SRBD1: variants seen among roughly 807,000 people sequenced by gnomAD.
SRBD1 encodes the protein S1 RNA-binding domain-containing protein 1.
In SRBD1, 88 loss-of-function variants were observed where a neutral mutation model predicts 115.3. That is an observed-to-expected ratio of 0.76 (90% CI 0.64 to 0.91). The LOEUF (loss-of-function observed/expected upper bound fraction) is 0.91. Ranked by LOEUF, SRBD1 falls within the 40% of genes least tolerant of loss-of-function variation. The probability of loss-of-function intolerance (pLI) is 0.00; values close to 1 mark genes in which losing one functional copy is unlikely to be tolerated. For synonymous variants in SRBD1, 509 were observed against 407.7 expected (o/e 1.25, Z -2.99); for missense variants, 1,385 against 1,177.4 (o/e 1.18, Z -2.58).
chr2:45,599,875 A>C, intron 3 of SRBD1, 40 bp from the exon 4 acceptor site: 1 of 1,555,716 alleles, frequency 6.4e-7, no homozygotes, highest in Non-Finnish European at 8.7e-7. Context: ...ATTAGAAGAT[A>C]AAAAGCAATT....
intron 2 of SRBD1, among the ~76,000 whole-genome samples, chr2:45,603,984 C>T (rs906805691): frequency 6.6e-6 from 1 of 152,172 alleles, no homozygotes; most frequent in East Asian, 1.9e-4. Context: ...ACCTGTTCCT[C>T]TTCCAGTCTT....
intron 16 of SRBD1, among the ~76,000 whole-genome samples, chr2:45,425,414 G>A (rs543867267): frequency 1.3e-5 from 2 of 152,122 alleles, no homozygotes; most frequent in African/African-American, 2.4e-5. Context: ...GTGTGTATAT[G>A]TGTACAATCT....
intron 16 of SRBD1, among the ~76,000 whole-genome samples, chr2:45,452,969 A>G (rs1028786017): frequency 6.6e-6 from 1 of 152,024 alleles, no homozygotes; most frequent in African/African-American, 2.4e-5. Flanking sequence ...TGAAATACGT[A>G]GTCATTTGAA....
chr2:45,440,810 G>A (rs1009897790), intron 16 of SRBD1, among the ~76,000 whole-genome samples: 1 of 152,152 alleles, frequency 6.6e-6, no homozygotes, highest in Non-Finnish European at 1.5e-5. Context: ...GAAAGAGAGA[G>A]ACAGAAATAG....
intron 16 of SRBD1, among the ~76,000 whole-genome samples, chr2:45,449,648 A>G (rs1027822754): frequency 6.6e-6 from 1 of 152,166 alleles, no homozygotes; most frequent in African/African-American, 2.4e-5. Context: ...CAACCACTTC[A>G]ACCCCGAAGT....
intron 14 of SRBD1, among the ~76,000 whole-genome samples, chr2:45,529,517 C>T (rs2103977990): frequency 6.6e-6 from 1 of 151,952 alleles, no homozygotes; most frequent in East Asian, 1.9e-4. Context: ...GTCCCTAACA[C>T]CCTTCCAGTC....
intron 10 of SRBD1, among the ~76,000 whole-genome samples, chr2:45,555,739 A>G (rs376033762): frequency 2.0e-5 from 3 of 152,106 alleles, no homozygotes; most frequent in Non-Finnish European, 1.5e-5. Flanking sequence ...TGATCTGCCC[A>G]TGTCAGCCTC....
chr2:45,523,387 A>G (rs1031573211), intron 14 of SRBD1, among the ~76,000 whole-genome samples: 1 of 151,636 alleles, frequency 6.6e-6, no homozygotes, highest in African/African-American at 2.4e-5. Flanking sequence ...AAAGAAATGA[A>G]CTCCAAAGTT....
intron 4 of SRBD1, 75 bp downstream of exon 4, chr2:45,599,374 G>C (rs1674013867): frequency 1.3e-6 from 2 of 1,493,000 alleles, no homozygotes; most frequent in East Asian, 4.6e-5. Context: ...CCTTCCCTTA[G>C]ACAGTACAAC....
chr2:45,577,237 T>A (rs1232524152), intron 7 of SRBD1, among the ~76,000 whole-genome samples: 2 of 152,192 alleles, frequency 1.3e-5, no homozygotes, highest in African/African-American at 4.8e-5. Context: ...GAAAAATAAT[T>A]TAAAAGGAAA....
At chr2:45,434,470 C>T (rs1295508289) in intron 16 of SRBD1, among the ~76,000 whole-genome samples, 1 of 152,118 alleles carries the variant, frequency 6.6e-6, no homozygotes, top group Non-Finnish European at 1.5e-5. Flanking sequence ...TAACATTTGG[C>T]AAACAATTTT....
At chr2:45,571,723 C>A (rs748318295) in intron 9 of SRBD1, among the ~76,000 whole-genome samples, 5 of 151,634 alleles carry the variant, frequency 3.3e-5, no homozygotes, top group African/African-American at 1.2e-4. Flanking sequence ...ATAGAAATTA[C>A]GGAGCTGAAA....
chr2:45,544,326 A>G (rs1672040658), intron 14 of SRBD1, among the ~76,000 whole-genome samples: 1 of 152,218 alleles, frequency 6.6e-6, no homozygotes, highest in Non-Finnish European at 1.5e-5. Context: ...AATAGCCTTA[A>G]AAATAGGAGA....
intron 14 of SRBD1, among the ~76,000 whole-genome samples, chr2:45,490,093 A>G (rs926119580): frequency 6.6e-6 from 1 of 152,186 alleles, no homozygotes; most frequent in African/African-American, 2.4e-5. Flanking sequence ...ATTTTCTCCA[A>G]AATAACATTT....
intron 10 of SRBD1, among the ~76,000 whole-genome samples, chr2:45,561,085 C>A (rs1672651012): frequency 6.6e-6 from 1 of 151,896 alleles, no homozygotes; most frequent in Non-Finnish European, 1.5e-5. Flanking sequence ...CCAGCCTAGG[C>A]AACAGAGTGA....
intron 7 of SRBD1, among the ~76,000 whole-genome samples, chr2:45,576,656 T>C (rs1426601901): frequency 1.3e-5 from 2 of 152,210 alleles, no homozygotes; most frequent in Non-Finnish European, 2.9e-5. Context: ...GAGCACTCAA[T>C]AAACATTTGC....
chr2:45,506,443 T>A (rs1328030830), intron 14 of SRBD1, among the ~76,000 whole-genome samples: 1 of 152,168 alleles, frequency 6.6e-6, no homozygotes, highest in African/African-American at 2.4e-5. Context: ...TGGAAGTATC[T>A]AGAACAGGTA....
chr2:45,580,326 T>C (rs1673311233), intron 6 of SRBD1, among the ~76,000 whole-genome samples: 1 of 152,176 alleles, frequency 6.6e-6, no homozygotes, highest in South Asian at 2.1e-4. Context: ...CTACACATAA[T>C]TCTACTTCTT....
At chr2:45,534,520 T>C (rs1302130022) in intron 14 of SRBD1, among the ~76,000 whole-genome samples, 1 of 151,922 alleles carries the variant, frequency 6.6e-6, no homozygotes, top group Non-Finnish European at 1.5e-5. Context: ...CCTTAACTTG[T>C]CATTAGGCAT....
Sources: allele counts gnomAD v4.1 joint callset (sites outside exome capture counted in the v4.1 genomes callset), GRCh38; gene constraint gnomAD v4.1.1; transcripts MANE v1.5; gene names NCBI Gene and HGNC (gene_info 2026-07-23, HGNC 2026-07-21).